Variants in SUPT3H observed in about 807,000 individuals in gnomAD.
The protein encoded by SUPT3H is transcription initiation protein SPT3 homolog.
A neutral mutation model predicts 44.3 loss-of-function variants in SUPT3H; 44 were observed. That is an observed-to-expected ratio of 0.99 (90% CI 0.78 to 1.28). SUPT3H has a LOEUF of 1.28. Among genes scored for constraint, SUPT3H ranks in the 50% most tolerant of loss-of-function variants. The pLI is 0.00. For synonymous variants in SUPT3H, 124 were observed against 125.6 expected, an observed-to-expected ratio of 0.99 and a Z score of 0.09; for missense variants, 380 against 387.1, an observed-to-expected ratio of 0.98 and a Z score of 0.15.
At chr6:44,888,464 C>T (rs577796407) in intron 10 of SUPT3H, among the ~76,000 whole-genome samples, 27 of 152,174 alleles carry the variant, frequency 1.8e-4, no homozygotes, top group East Asian at 7.7e-4. Flanking sequence ...GTTCAACATA[C>T]GCAAATCAAT....
chr6:45,246,947 G>T (rs560333614), intron 2 of SUPT3H, among the ~76,000 whole-genome samples: 154 of 152,208 alleles, frequency 1.0e-3, no homozygotes, highest in African/African-American at 3.5e-3. Context: ...TAATCCTAGA[G>T]TAAGCAGAAG....
intron 2 of SUPT3H, among the ~76,000 whole-genome samples, chr6:45,268,344 T>G (rs1198709719): frequency 6.6e-6 from 1 of 152,108 alleles, no homozygotes; most frequent in Non-Finnish European, 1.5e-5. Flanking sequence ...TGTCAAATAT[T>G]TTTCCACAGC....
At chr6:45,046,489 C>A (rs1789417802) in intron 3 of SUPT3H, among the ~76,000 whole-genome samples, 1 of 152,078 alleles carries the variant, frequency 6.6e-6, no homozygotes, top group South Asian at 2.1e-4. Flanking sequence ...CACCACCACG[C>A]CAGGCTAATA....
intron 2 of SUPT3H, among the ~76,000 whole-genome samples, chr6:45,248,734 G>T (rs1189416380): frequency 6.6e-6 from 1 of 152,020 alleles, no homozygotes; most frequent in Non-Finnish European, 1.5e-5. Flanking sequence ...GGTCAACATG[G>T]TGAAACCCAG....
intron 2 of SUPT3H, among the ~76,000 whole-genome samples, chr6:45,269,343 T>G (rs1199380594): frequency 6.6e-6 from 1 of 152,182 alleles, no homozygotes; most frequent in Non-Finnish European, 1.5e-5. Flanking sequence ...TCAAGAAGCA[T>G]CTGAAGGAAA....
intron 3 of SUPT3H, among the ~76,000 whole-genome samples, chr6:45,103,125 A>G (rs890364712): frequency 6.6e-5 from 10 of 152,332 alleles, no homozygotes; most frequent in African/African-American, 2.4e-4. Flanking sequence ...ACTGTTCTCT[A>G]TAATTCTTCC....
chr6:45,018,802 A>G lies in SUPT3H; in HGVS notation c.273+1744T>C, dbSNP rs966284185. 2.1e-4 allele frequency among the ~76,000 whole-genome samples: 32 copies of G among 152,002 alleles called. 1 individual carries two copies. The highest frequency in any genetic ancestry group is 1.3e-3 in the Admixed American group (20 of 15,256). ...ATGTTCATCAAGGATATTGGTCTAA[A>G]ATTCTCTTTTTTGGTTGTGTCTCTG... On this transcript the variant is annotated intron_variant, in intron 4 of 10. Coordinates refer to ENST00000371459, the MANE Select transcript of SUPT3H (RefSeq NM_003599.4).
At chr6:45,136,549 T>C (rs1804309152) in intron 2 of SUPT3H, among the ~76,000 whole-genome samples, 1 of 150,370 alleles carries the variant, frequency 6.7e-6, no homozygotes, top group African/African-American at 2.5e-5. Context: ...TTAAAAAAAC[T>C]AAAGGAAAGT....
chr6:45,060,529 A>C (rs981590854), intron 3 of SUPT3H, among the ~76,000 whole-genome samples: 1 of 152,156 alleles, frequency 6.6e-6, no homozygotes, highest in African/African-American at 2.4e-5. Context: ...GGACACAGGC[A>C]TGGGCAAAGA....
At position 45,012,319 on chromosome 6, in the gene SUPT3H, C is replaced by T. The variant is rs140521574; in HGVS notation, c.364+2482G>A. Among the ~76,000 whole-genome samples, 24 of 151,904 alleles carry T rather than the reference C, an allele frequency of 1.6e-4. 1 individual carries two copies. The East Asian group carries it at 4.7e-3, about 30-fold the overall frequency. On this transcript the variant is annotated intron_variant, in intron 5 of 10. Coordinates refer to ENST00000371459, the MANE Select transcript of SUPT3H (RefSeq NM_003599.4). ...TTTTTACACACTTAATGGTGCTCTA[C>T]ATTTCTCTGAAGCTGTTAATTTTTC...
intron 10 of SUPT3H, 148 bp downstream of exon 10, chr6:44,932,505 C>A: frequency 3.9e-6 from 2 of 508,884 alleles, no homozygotes; most frequent in African/African-American, 2.0e-5. Context: ...CTTTCATTTC[C>A]CAAGAGAATT....
intron 7 of SUPT3H, 128 bp downstream of exon 7, chr6:44,961,624 GT>G: frequency 1.4e-6 from 1 of 713,162 alleles, no homozygotes; most frequent in Non-Finnish European, 2.4e-6. Context: ...GACGTTGTTT[GT>G]ATAGCACTTA....
At chr6:45,088,405 T>G (rs887604451) in intron 3 of SUPT3H, among the ~76,000 whole-genome samples, 1 of 152,020 alleles carries the variant, frequency 6.6e-6, no homozygotes, top group Admixed American at 6.6e-5. Flanking sequence ...TGTCAAAAAA[T>G]TTTTTGGCTG....
intron 6 of SUPT3H, among the ~76,000 whole-genome samples, chr6:44,966,419 ATATT>A (rs952935765): frequency 2.0e-5 from 3 of 150,280 alleles, no homozygotes; most frequent in Non-Finnish European, 4.4e-5. Flanking sequence ...TAAAATATTT[ATATT>A]TATTTACATA....
intron 3 of SUPT3H, chr6:45,097,488 A>G (rs1368251462): frequency 6.6e-6 from 1 of 152,238 alleles, no homozygotes; most frequent in Non-Finnish European, 1.5e-5. Flanking sequence ...AAGATGGGCC[A>G]GCACAAGGCA....
In SUPT3H at chr6:45,199,083, C is replaced by T. The variant is rs1011839265; in HGVS notation, c.102-93077G>A. Among the ~76,000 whole-genome samples, 5 of 151,248 alleles carry T rather than the reference C, an allele frequency of 3.3e-5. No individual in the cohort carries two copies. In the South Asian group the frequency reaches 8.3e-4, roughly 25 times the overall value. Reference sequence around the variant, plus strand: ...GCTGTTGTCATCTTTAAAGACACAACATCTTTAAAATTAGAAATGCATACA... The same window carrying T: ...GCTGTTGTCATCTTTAAAGACACAATATCTTTAAAATTAGAAATGCATACA... On this transcript the variant is annotated intron_variant, in intron 2 of 10. Coordinates refer to ENST00000371459, the MANE Select transcript of SUPT3H (RefSeq NM_003599.4).
intron 2 of SUPT3H, among the ~76,000 whole-genome samples, chr6:45,242,449 C>G (rs1042044450): frequency 2.6e-5 from 4 of 152,110 alleles, no homozygotes; most frequent in Non-Finnish European, 4.4e-5. Context: ...ATTCACAACA[C>G]AAGACACAAC....
At chr6:45,268,550 A>T (rs1775619552) in intron 2 of SUPT3H, among the ~76,000 whole-genome samples, 1 of 152,200 alleles carries the variant, frequency 6.6e-6, no homozygotes, top group South Asian at 2.1e-4. Flanking sequence ...AACTGACATG[A>T]ATTTTTATTC....
chr6:44,892,882 C>T (rs992564924), intron 10 of SUPT3H, among the ~76,000 whole-genome samples: 4 of 152,166 alleles, frequency 2.6e-5, no homozygotes, highest in East Asian at 1.9e-4. Context: ...TAATTACTTT[C>T]CTTCCACTAA....
Sources: gnomAD v4.1 joint callset for allele counts (sites outside exome capture counted in the v4.1 genomes callset) on GRCh38, gnomAD v4.1.1 for gene constraint, MANE v1.5 for transcripts, NCBI Gene and HGNC (gene_info 2026-07-23, HGNC 2026-07-21) for gene names.